ESYT2: variants seen among roughly 807,000 people sequenced by gnomAD.
ESYT2 encodes the protein extended synaptotagmin 2, also known as extended synaptotagmin-2.
In ESYT2, 54 loss-of-function variants were observed where a neutral mutation model predicts 107.2. That is an observed-to-expected ratio of 0.50 (90% CI 0.40 to 0.63). The LOEUF (loss-of-function observed/expected upper bound fraction) is 0.63. ESYT2 is among the 30% of genes least tolerant of loss of function. ESYT2 has a pLI of 0.00. For synonymous variants in ESYT2, 491 were observed against 434.1 expected (o/e 1.13, Z -1.63); for missense variants, 1,020 against 1,094.5 (o/e 0.93, Z 0.96).
At chr7:158,757,614 G>T (rs1161047966) in intron 13 of ESYT2, among the ~76,000 whole-genome samples, 1 of 151,622 alleles carries the variant, frequency 6.6e-6, no homozygotes, top group Admixed American at 6.6e-5. Flanking sequence ...CAGAGCCAAA[G>T]GATCCTAGAG....
rs572856250 is a variant in ESYT2 at position 158,735,785 on chromosome 7, C to CA, written c.2400-178dup. 3.2e-4 allele frequency among the ~76,000 whole-genome samples: 48 copies of CA among 152,300 alleles called. 2 individuals carry two copies. The highest frequency in any genetic ancestry group is 1.7e-3 in the South Asian group (8 of 4,826). ...CATTTCAGGAAGACTCAAAAACCAACATTTTTTTCATTTCCCACACATAAA... is the reference window on the plus strand; with the variant it reads ...CATTTCAGGAAGACTCAAAAACCAACAATTTTTTTCATTTCCCACACATAAA... On this transcript the variant is annotated intron_variant, in intron 20 of 22. Transcript: ENST00000275418.
intron 18 of ESYT2, 42 bp from the exon 19 acceptor site, chr7:158,739,163 G>A (rs1313542036): frequency 3.9e-6 from 6 of 1,542,934 alleles, no homozygotes; most frequent in African/African-American, 2.7e-5. Flanking sequence ...GCCTGAGACT[G>A]GAGAACGTTG....
At chr7:158,734,293 A>G in intron 22 of ESYT2, 41 bp from the exon 23 acceptor site, 2 of 1,613,890 alleles carry the variant, frequency 1.2e-6, no homozygotes, top group Non-Finnish European at 1.7e-6. Context: ...CGGATACAGG[A>G]CCAAGTAGGA....
chr7:158,799,831 A>G (rs150875050), intron 1 of ESYT2, among the ~76,000 whole-genome samples: 174 of 152,108 alleles, frequency 1.1e-3, no homozygotes, highest in African/African-American at 3.9e-3. Context: ...TGTACAGGAG[A>G]AAAGAAACCT....
chr7:158,743,846 T>G, intron 16 of ESYT2, 168 bp from the exon 17 acceptor site: 3 of 652,320 alleles, frequency 4.6e-6, no homozygotes, highest in Admixed American at 8.0e-5. Flanking sequence ...TTTGGGAGGC[T>G]CAGATCACCT....
At chr7:158,826,819 CAAAAA>C (rs10685364) in intron 1 of ESYT2, among the ~76,000 whole-genome samples, 1 of 117,062 alleles carries the variant, frequency 8.5e-6, no homozygotes, top group Non-Finnish European at 1.7e-5. Context: ...GATTCCGTCT[CAAAAA>C]AAAAAAAAAA....
chr7:158,814,182 G>A (rs1840071752), intron 1 of ESYT2, among the ~76,000 whole-genome samples: 1 of 151,354 alleles, frequency 6.6e-6, no homozygotes, highest in Non-Finnish European at 1.5e-5. Flanking sequence ...GCTGAGGCAG[G>A]AGAATGGCAT....
At chr7:158,761,993 C>T (rs1042039180) in intron 10 of ESYT2, among the ~76,000 whole-genome samples, 3 of 152,176 alleles carry the variant, frequency 2.0e-5, no homozygotes, top group East Asian at 1.9e-4. Context: ...ATTCCTCACT[C>T]GCACAGTGAA....
rs1311715851 is a variant in ESYT2, at chr7:158,734,757, C to T, written c.2506-286G>A. 3.3e-5 allele frequency among the ~76,000 whole-genome samples: 5 copies of T among 152,228 alleles called. No homozygotes were observed. In the East Asian group the frequency reaches 9.6e-4, roughly 29 times the overall value. The stretch of plus-strand genomic sequence containing the variant: ...GAGCCATGATCGCGCCACTGGACTT[C>T]AGCCTGTGCTTCTACAGACCCTGTC... On this transcript the variant is annotated intron_variant, in intron 21 of 22. Coordinates refer to ENST00000275418, the MANE Select transcript of ESYT2 (RefSeq NM_001367773.1).
chr7:158,823,219 A>C lies in ESYT2; in HGVS notation c.330+5870T>G, dbSNP rs1432012885. ...CTGAGGCAGGAGAATTGCTTGAACCAGCGAGGCGGAGGTTGCAGTGACCCG... is the reference window on the plus strand; with the variant it reads ...CTGAGGCAGGAGAATTGCTTGAACCCGCGAGGCGGAGGTTGCAGTGACCCG... On this transcript the variant is annotated intron_variant, in intron 1 of 22. Coordinates refer to ENST00000275418, the MANE Select transcript of ESYT2 (RefSeq NM_001367773.1). Among the ~76,000 whole-genome samples the C allele has an allele frequency of 3.8e-5, 5 of 132,902 alleles. No individual in the cohort carries two copies. The Admixed American group carries it at 4.0e-4, about 11-fold the overall frequency. The allele number at this position is 132,902 out of a possible 152,430, so 87.2% of individuals were successfully genotyped here. A position where few individuals can be genotyped will look rare whatever the true frequency, so the allele number is the denominator to read the frequency against.
chr7:158,809,243 C>T (rs1414109270), intron 1 of ESYT2, among the ~76,000 whole-genome samples: 1 of 151,736 alleles, frequency 6.6e-6, no homozygotes, highest in Non-Finnish European at 1.5e-5. Context: ...TTTGGGAGGC[C>T]AAGGCGGGCG....
chr7:158,825,816 T>C (rs1356914792), intron 1 of ESYT2, among the ~76,000 whole-genome samples: 1 of 152,134 alleles, frequency 6.6e-6, no homozygotes, highest in African/African-American at 2.4e-5. Context: ...TACAGATACA[T>C]CTTGTTCAAG....
chr7:158,806,993 CTATA>C (rs1206168176), intron 1 of ESYT2, among the ~76,000 whole-genome samples: 1 of 151,872 alleles, frequency 6.6e-6, no homozygotes, highest in Admixed American at 6.6e-5. Flanking sequence ...CTTTGTGTGA[CTATA>C]TACATAGTAT....
chr7:158,766,390 G>GAGCTCA (rs1838167024), intron 8 of ESYT2, among the ~76,000 whole-genome samples: 1 of 152,210 alleles, frequency 6.6e-6, no homozygotes, highest in Non-Finnish European at 1.5e-5. Flanking sequence ...CCTGTACTCA[G>GAGCTCA]AGCATAAGAG....
chr7:158,787,892 AG>A, intron 6 of ESYT2, 111 bp downstream of exon 6: 1 of 778,918 alleles, frequency 1.3e-6, no homozygotes, highest in South Asian at 1.7e-5. Context: ...CACAACAGAA[AG>A]GGACAACGGT....
At chr7:158,827,645 G>C (rs1173737339) in intron 1 of ESYT2, 1 of 152,148 alleles carries the variant, frequency 6.6e-6, no homozygotes, top group African/African-American at 2.4e-5. Flanking sequence ...GCAATATGAC[G>C]TCACAAAGTA....
At chr7:158,780,901 GGAAA>G (rs1477326100) in intron 6 of ESYT2, among the ~76,000 whole-genome samples, 2 of 152,190 alleles carry the variant, frequency 1.3e-5, no homozygotes, top group Non-Finnish European at 2.9e-5. Context: ...GGGAGCAAGT[GGAAA>G]GAGAGAAAGG....
chr7:158,803,156 ACG>A (rs1839694267), intron 1 of ESYT2, among the ~76,000 whole-genome samples: 1 of 152,256 alleles, frequency 6.6e-6, no homozygotes, highest in Non-Finnish European at 1.5e-5. Flanking sequence ...GTGGGGGCCA[ACG>A]CGCCGTTCCC....
intron 6 of ESYT2, among the ~76,000 whole-genome samples, chr7:158,781,141 C>T (rs1054338286): frequency 1.3e-4 from 20 of 151,834 alleles, no homozygotes; most frequent in Admixed American, 4.6e-4. Flanking sequence ...AAGTGTGAAA[C>T]GAATGTGAGA....
Sources: allele counts gnomAD v4.1 joint callset (sites outside exome capture counted in the v4.1 genomes callset), GRCh38; gene constraint gnomAD v4.1.1; transcripts MANE v1.5; gene names NCBI Gene and HGNC (gene_info 2026-07-23, HGNC 2026-07-21).